LRMDA: variants seen among roughly 807,000 people sequenced by gnomAD.
The protein encoded by LRMDA is leucine-rich melanocyte differentiation-associated protein.
A neutral mutation model predicts 29.8 loss-of-function variants in LRMDA; 18 were observed. The observed-to-expected ratio is 0.60, with a 90% confidence interval of 0.42 to 0.90. LRMDA has a LOEUF of 0.90. Among genes scored for constraint, LRMDA ranks in the 40% least tolerant of loss-of-function variants. The pLI is 0.00. For missense variants in LRMDA, 273 were observed against 273.9 expected (o/e 1.00, Z 0.02); for synonymous variants, 125 against 109.4 (o/e 1.14, Z -0.89).
In LRMDA at chr10:76,044,532, T is replaced by C. The variant is rs12218624; in HGVS notation, c.259-2632T>C. 8.2e-4 allele frequency among the ~76,000 whole-genome samples: 125 copies of C among 152,094 alleles called. 2 individuals are homozygous for C. The East Asian group carries it at 0.022, about 27-fold the overall frequency. ...AGAAAAGCTGAACTTACCCTGGAAT[T>C]GTTCACTGTCATTTTAATTGGCTCT... is the stretch of plus-strand genomic sequence containing the variant. On this transcript the variant is annotated intron_variant, in intron 3 of 6. Coordinates refer to ENST00000611255, the MANE Select transcript of LRMDA (RefSeq NM_001305581.2).
At chr10:76,104,058 A>T (rs1259958673) in intron 5 of LRMDA, among the ~76,000 whole-genome samples, 1 of 151,984 alleles carries the variant, frequency 6.6e-6, no homozygotes, top group Non-Finnish European at 1.5e-5. Flanking sequence ...AAAAAAAAAA[A>T]AAAATTCCAC....
rs74666992 is a variant in LRMDA, at chr10:76,284,247, C to G, written c.517-40154C>G. Among the ~76,000 whole-genome samples the G allele has an allele frequency of 6.6e-5, 10 of 152,200 alleles. No individual in the cohort carries two copies. The South Asian group carries it at 2.1e-3, about 32-fold the overall frequency. ...AATTGTGGAGGTTATTCTGCATTAT[C>G]CAGGTGGGCCTGAGGTAAGCACAAC... On this transcript the variant is annotated intron_variant, in intron 5 of 6. Coordinates refer to ENST00000611255, the MANE Select transcript of LRMDA (RefSeq NM_001305581.2).
At position 76,380,981 on chromosome 10, in the gene LRMDA, G is replaced by A. The variant is rs572683954; in HGVS notation, c.601+56496G>A. 5.4e-4 allele frequency among the ~76,000 whole-genome samples: 77 copies of A among 142,958 alleles called. 1 individual carries two copies. In the South Asian group the frequency reaches 0.017, roughly 31 times the overall value. The allele number at this position is 142,958 out of a possible 152,430, so 93.8% of individuals were successfully genotyped here. A position where few individuals can be genotyped will look rare whatever the true frequency, so the allele number is the denominator to read the frequency against. Reference sequence around the variant, plus strand: ...TTTTTGTGTTAAAATACTAATGTATGTATGTATTAGTAATTAATTATTGTA... The same window carrying A: ...TTTTTGTGTTAAAATACTAATGTATATATGTATTAGTAATTAATTATTGTA... On this transcript the variant is annotated intron_variant, in intron 6 of 6. Transcript: ENST00000611255.
intron 2 of LRMDA, among the ~76,000 whole-genome samples, chr10:76,006,676 G>A (rs987782530): frequency 6.6e-6 from 1 of 152,164 alleles, no homozygotes; most frequent in Non-Finnish European, 1.5e-5. Context: ...ACTCCCATTA[G>A]TCAGTCGCTC....
In LRMDA at chr10:76,139,458, C is replaced by T. The variant is rs571773331; in HGVS notation, c.516+80675C>T. Among the ~76,000 whole-genome samples the T allele has an allele frequency of 1.7e-4, 26 of 152,222 alleles. No individual in the cohort carries two copies. In the Middle Eastern group the frequency reaches 0.01, roughly 60 times the overall value. On this transcript the variant is annotated intron_variant, in intron 5 of 6. Coordinates refer to ENST00000611255, the MANE Select transcript of LRMDA (RefSeq NM_001305581.2). ...GCACAGACGCACATGCTTACTTACT[C>T]TGGTTTCAAATATTATGCATAAACT... is the stretch of plus-strand genomic sequence containing the variant.
intron 5 of LRMDA, among the ~76,000 whole-genome samples, chr10:76,135,908 A>G (rs1252420058): frequency 6.6e-6 from 1 of 152,050 alleles, no homozygotes; most frequent in African/African-American, 2.4e-5. Flanking sequence ...GGACTTCAAC[A>G]TCTTTTTGGG....
chr10:75,508,425 T>C (rs1443829446), intron 2 of LRMDA, among the ~76,000 whole-genome samples: 1 of 152,194 alleles, frequency 6.6e-6, no homozygotes, highest in African/African-American at 2.4e-5. Flanking sequence ...TTCTTCAAAG[T>C]CTAGTGCCAG....
Position 75,883,017 on chromosome 10 carries a change from GTGACAGTCCC to G in LRMDA, c.132-152985_132-152976del, listed in dbSNP as rs561503046. 6.6e-4 allele frequency among the ~76,000 whole-genome samples: 100 copies of G among 152,306 alleles called. 1 individual carries two copies. The highest frequency in any genetic ancestry group is 2.1e-3 in the South Asian group (10 of 4,822). On this transcript the variant is annotated intron_variant, in intron 2 of 6. Coordinates refer to ENST00000611255, the MANE Select transcript of LRMDA (RefSeq NM_001305581.2). ...AAGGCCAAACAGTCCTTGTGCCCCAGTGACAGTCCCTGACAACCCATGGACCGAGGCCTCA... is the reference window on the plus strand; with the variant it reads ...AAGGCCAAACAGTCCTTGTGCCCCAGTGACAACCCATGGACCGAGGCCTCA...
chr10:75,617,701 T>C (rs1841122203), intron 2 of LRMDA, among the ~76,000 whole-genome samples: 1 of 152,218 alleles, frequency 6.6e-6, no homozygotes, highest in Non-Finnish European at 1.5e-5. Flanking sequence ...CTTGCTCATT[T>C]TTCAGGACTG....
intron 2 of LRMDA, among the ~76,000 whole-genome samples, chr10:75,969,162 A>G (rs963173701): frequency 6.6e-6 from 1 of 152,036 alleles, no homozygotes; most frequent in African/African-American, 2.4e-5. Context: ...ATGGTTGTCT[A>G]TGTTGCCTTA....
intron 2 of LRMDA, among the ~76,000 whole-genome samples, chr10:75,691,102 A>C (rs1398401932): frequency 2.4e-5 from 2 of 84,054 alleles, no homozygotes; most frequent in Non-Finnish European, 4.2e-5. Context: ...GTACATAGAT[A>C]TATAGATCTA....
At chr10:75,943,412 G>C (rs1019686348) in intron 2 of LRMDA, among the ~76,000 whole-genome samples, 3 of 152,090 alleles carry the variant, frequency 2.0e-5, no homozygotes, top group Non-Finnish European at 4.4e-5. Flanking sequence ...ATTTGTCCTA[G>C]GCAAAACATC....
intron 6 of LRMDA, among the ~76,000 whole-genome samples, chr10:76,545,192 T>C (rs1382541414): frequency 6.6e-6 from 1 of 151,628 alleles, no homozygotes; most frequent in Non-Finnish European, 1.5e-5. Flanking sequence ...TTTTTTTTTT[T>C]TTGTAGCTTG....
chr10:76,434,698 C>G (rs1409672560), intron 6 of LRMDA, among the ~76,000 whole-genome samples: 1 of 152,190 alleles, frequency 6.6e-6, no homozygotes, highest in South Asian at 2.1e-4. Context: ...CAGGATACAA[C>G]AATAAATGAG....
At chr10:76,391,548 T>C (rs1474729738) in intron 6 of LRMDA, among the ~76,000 whole-genome samples, 1 of 152,180 alleles carries the variant, frequency 6.6e-6, no homozygotes, top group African/African-American at 2.4e-5. Flanking sequence ...TTATGTCTGG[T>C]AAATATAGTT....
At chr10:76,025,194 G>A (rs1443196039) in intron 2 of LRMDA, among the ~76,000 whole-genome samples, 1 of 151,298 alleles carries the variant, frequency 6.6e-6, no homozygotes, top group Non-Finnish European at 1.5e-5. Context: ...TCACCAGGGT[G>A]GGAAAAAGAC....
At chr10:76,158,130 A>G (rs1850574963) in intron 5 of LRMDA, among the ~76,000 whole-genome samples, 2 of 152,124 alleles carry the variant, frequency 1.3e-5, no homozygotes, top group Admixed American at 1.3e-4. Context: ...ATGGCCTCAG[A>G]GCCATCATAG....
At chr10:76,094,784 A>G (rs891066759) in intron 5 of LRMDA, among the ~76,000 whole-genome samples, 1 of 152,184 alleles carries the variant, frequency 6.6e-6, no homozygotes, top group Non-Finnish European at 1.5e-5. Context: ...AGAAGTAACT[A>G]CTATTAAAAT....
At chr10:76,534,849 A>G (rs1241161265) in intron 6 of LRMDA, among the ~76,000 whole-genome samples, 3 of 152,178 alleles carry the variant, frequency 2.0e-5, no homozygotes, top group Admixed American at 6.5e-5. Context: ...GCAAACCTGA[A>G]CTACAGAGGA....
Sources: allele counts gnomAD v4.1 joint callset (sites outside exome capture counted in the v4.1 genomes callset), GRCh38; gene constraint gnomAD v4.1.1; transcripts MANE v1.5; gene names NCBI Gene and HGNC (gene_info 2026-07-23, HGNC 2026-07-21).